Variants in TRIM24 observed in about 807,000 individuals in gnomAD.
TRIM24 encodes the protein transcription intermediary factor 1-alpha.
Under a neutral mutation model 123.9 loss-of-function variants are expected in TRIM24, and 29 were observed. The ratio of observed to expected loss-of-function variants is 0.23; its 90% CI spans 0.17 to 0.32. TRIM24 has a LOEUF of 0.32. Among genes scored for constraint, TRIM24 ranks in the 10% least tolerant of loss-of-function variants. TRIM24 has a pLI of 1.00. For missense variants in TRIM24, 932 were observed against 1,295.3 expected (o/e 0.72, Z 4.31); for synonymous variants, 456 against 461.1 (o/e 0.99, Z 0.14).
rs1457584104 is a variant in TRIM24, at chr7:138,557,476, G to A, written c.1530+2510G>A. On this transcript the variant is annotated intron_variant, in intron 9 of 18. Transcript: ENST00000343526. ...GATTGGATGTTTTTAACAAGGAGGG[G>A]TAAGAGACAAGGGAGTATTAAGCAA... Among the ~76,000 whole-genome samples, 7 of 152,240 alleles carry A rather than the reference G, an allele frequency of 4.6e-5. No homozygotes were observed. The East Asian group carries it at 1.4e-3, about 29-fold the overall frequency.
At chr7:138,563,674 T>TGCC (rs1383063137) in intron 9 of TRIM24, among the ~76,000 whole-genome samples, 2 of 152,226 alleles carry the variant, frequency 1.3e-5, no homozygotes, top group African/African-American at 2.4e-5. Context: ...CCGTGTTCAC[T>TGCC]GTGCACTGAT....
chr7:138,556,736 G>C lies in TRIM24; in HGVS notation c.1530+1770G>C, dbSNP rs79941776. Among the ~76,000 whole-genome samples, 115 of 152,322 alleles carry C rather than the reference G, an allele frequency of 7.5e-4. No homozygotes were observed. In the East Asian group the frequency reaches 0.021, roughly 28 times the overall value. On this transcript the variant is annotated intron_variant, in intron 9 of 18. Transcript: ENST00000343526. ...TAGTATTTATGAGCCCACAGAGCAGGCTTGCTTTCTAGCCTTTGCCTTGTT... is the reference window on the plus strand; with the variant it reads ...TAGTATTTATGAGCCCACAGAGCAGCCTTGCTTTCTAGCCTTTGCCTTGTT...
At chr7:138,530,635 A>ATT (rs112561681) in intron 6 of TRIM24, among the ~76,000 whole-genome samples, 3 of 144,008 alleles carry the variant, frequency 2.1e-5, no homozygotes, top group African/African-American at 7.6e-5. Context: ...CCTGGCTAAT[A>ATT]TTTTTTTTTT....
At position 138,460,932 on chromosome 7, in the gene TRIM24, G is replaced by A. The variant is rs1160470015; in HGVS notation, c.364+20G>A. 1.3e-5 allele frequency: 19 copies of A among 1,418,558 alleles called. No individual in the cohort carries two copies. The highest frequency in any genetic ancestry group is 1.4e-5 in the Non-Finnish European group (15 of 1,095,470). 87.9% of individuals were successfully genotyped at this position (1,418,558 alleles called of 1,614,324 possible). On this transcript the variant is annotated intron_variant, in intron 1 of 18. Coordinates refer to ENST00000343526, the MANE Select transcript of TRIM24 (RefSeq NM_015905.3). ...CCCAAGGTGAGAACCGGCCGCGGCC[G>A]CTGGGGAGCCCGGGGAGAGGGCCAG...
chr7:138,538,700 A>G lies in TRIM24; in HGVS notation c.1040A>G (p.Gln347Arg). 1 of 1,614,148 alleles carries G rather than the reference A, an allele frequency of 6.2e-7. No individual in the cohort carries two copies. Among genetic ancestry groups the G allele is most frequent in the Non-Finnish European group, 8.5e-7 (1 of 1,179,994 alleles). Reference sequence around the variant, plus strand: ...CGCATGAAACTTATGCAACAACAACAGGAAGTGGCTGGACTCTCTAAACAA... The same window carrying G: ...CGCATGAAACTTATGCAACAACAACGGGAAGTGGCTGGACTCTCTAAACAA... ...DHRMKLMQQQ[Q>R]EVAGLSKQLE... The change falls in exon 7 of 19, where the codon CAG becomes CGG. Residue 347 changes from glutamine (Q) to arginine (R), a missense_variant. By Grantham distance (43) the Gln-to-Arg change is conservative. Transcript: ENST00000343526.
intron 7 of TRIM24, among the ~76,000 whole-genome samples, chr7:138,549,367 A>G (rs1034477596): frequency 6.6e-6 from 1 of 152,182 alleles, no homozygotes; most frequent in African/African-American, 2.4e-5. Flanking sequence ...GAAATCACCA[A>G]CAATGGAGAC....
intron 1 of TRIM24, among the ~76,000 whole-genome samples, chr7:138,488,488 G>A (rs1023233876): frequency 6.6e-6 from 1 of 152,280 alleles, no homozygotes; most frequent in East Asian, 1.9e-4. Flanking sequence ...GGCATTTAGT[G>A]CTATAAATTT....
At chr7:138,577,101 A>T (rs1202903192) in intron 13 of TRIM24, among the ~76,000 whole-genome samples, 2 of 152,260 alleles carry the variant, frequency 1.3e-5, no homozygotes, top group Non-Finnish European at 2.9e-5. Flanking sequence ...GAAGGAAATG[A>T]GAAAGCCTAA....
intron 1 of TRIM24, chr7:138,461,383 T>C (rs1484365573): frequency 5.0e-6 from 2 of 399,244 alleles, no homozygotes; most frequent in Admixed American, 3.2e-5. Flanking sequence ...GATGAAGTGA[T>C]GGTGACTTTC....
rs952257847 is a variant in TRIM24 at position 138,537,393 on chromosome 7, T to G, written c.997-1264T>G. On this transcript the variant is annotated intron_variant, in intron 6 of 18. Coordinates refer to ENST00000343526, the MANE Select transcript of TRIM24 (RefSeq NM_015905.3). ...CACCCCTGTTTGTTTTTTTTTTTTT[T>G]TTTTTTTTTTTTTTTGTAAAGACGT... Among the ~76,000 whole-genome samples, 8 of 131,798 alleles carry G rather than the reference T, an allele frequency of 6.1e-5. No individual in the cohort carries two copies. In the South Asian group the frequency reaches 8.1e-4, roughly 13 times the overall value. 86.5% of individuals were successfully genotyped at this position (131,798 alleles called of 152,430 possible). A position where few individuals can be genotyped will look rare whatever the true frequency, so the allele number is the denominator to read the frequency against.
chr7:138,471,044 A>G (rs1344606227), intron 1 of TRIM24, among the ~76,000 whole-genome samples: 1 of 152,196 alleles, frequency 6.6e-6, no homozygotes, highest in Non-Finnish European at 1.5e-5. Flanking sequence ...TTAACAACTG[A>G]TTATCTAACC....
chr7:138,568,379 C>CTTTTTTTTTTTTTTTTTTTTTTT (rs60386130), intron 10 of TRIM24, among the ~76,000 whole-genome samples: 5 of 68,702 alleles, frequency 7.3e-5, no homozygotes, highest in African/African-American at 1.2e-4. Context: ...ACCTGGCCTC[C>CTTTTTTTTTTTTTTTTTTTTTTT]TTTTTTTTTT....
In TRIM24 at chr7:138,567,568, T is replaced by C. The variant is rs1462403758; in HGVS notation, c.1618T>C (p.Tyr540His). Reference sequence around the variant, plus strand: ...TCCTCCTCATCCTCAACAACTGAGATATCCACCAAACCAGAACATACCACG... The same window carrying C: ...TCCTCCTCATCCTCAACAACTGAGACATCCACCAAACCAGAACATACCACG... Reference protein sequence around the residue: ...VLPPHPQQLRYPPNQNIPRQA... With the variant: ...VLPPHPQQLRHPPNQNIPRQA... The change falls in exon 10 of 19, where the codon TAT becomes CAT. Residue 540 changes from tyrosine (Y) to histidine (H), a missense_variant. By Grantham distance (83) the Tyr-to-His change is moderately conservative (BLOSUM62 2). Coordinates refer to ENST00000343526, the MANE Select transcript of TRIM24 (RefSeq NM_015905.3). 6.2e-7 allele frequency: 1 copy of C among 1,614,028 alleles called. No homozygotes were observed. The highest frequency in any genetic ancestry group is 1.3e-5 in the African/African-American group (1 of 75,028).
intron 13 of TRIM24, among the ~76,000 whole-genome samples, chr7:138,576,818 A>T (rs1193128729): frequency 6.6e-6 from 1 of 152,250 alleles, no homozygotes; most frequent in East Asian, 1.9e-4. Context: ...TCTACTTTAA[A>T]ATAAATATAC....
At chr7:138,546,510 A>C (rs941432199) in intron 7 of TRIM24, among the ~76,000 whole-genome samples, 1 of 152,196 alleles carries the variant, frequency 6.6e-6, no homozygotes, top group African/African-American at 2.4e-5. Flanking sequence ...GGATTTGGTT[A>C]TGTTAGAAGA....
chr7:138,529,977 A>G lies in TRIM24; in HGVS notation c.996+747A>G, dbSNP rs185151860. ...CTAATGTTTGAAGATTTGAGGAAAAATAAGACTTCTAGAAATAATTTAGGT... is the reference window on the plus strand; with the variant it reads ...CTAATGTTTGAAGATTTGAGGAAAAGTAAGACTTCTAGAAATAATTTAGGT... On this transcript the variant is annotated intron_variant, in intron 6 of 18. Coordinates refer to ENST00000343526, the MANE Select transcript of TRIM24 (RefSeq NM_015905.3). Among the ~76,000 whole-genome samples the G allele has an allele frequency of 3.9e-3, 587 of 152,318 alleles. 1 individual carries two copies. Among genetic ancestry groups the G allele is most frequent in the Non-Finnish European group, 4.3e-3 (295 of 68,024 alleles).
intron 1 of TRIM24, among the ~76,000 whole-genome samples, chr7:138,488,827 G>A (rs1795712236): frequency 6.6e-6 from 1 of 152,190 alleles, no homozygotes; most frequent in Admixed American, 6.5e-5. Flanking sequence ...ATATTCTGTT[G>A]ATTTGGGGTG....
At chr7:138,528,522 T>C (rs887800625) in intron 5 of TRIM24, among the ~76,000 whole-genome samples, 7 of 152,002 alleles carry the variant, frequency 4.6e-5, no homozygotes, top group Non-Finnish European at 1.0e-4. Flanking sequence ...TTATTTTTCT[T>C]TTTTTTTCTT....
rs568562414 is a variant in TRIM24 at position 138,463,989 on chromosome 7, CTT to C, written c.364+3099_364+3100del. 6.9e-3 allele frequency among the ~76,000 whole-genome samples: 352 copies of C among 50,720 alleles called. 4 individuals carry two copies. The highest frequency in any genetic ancestry group is 0.028 in the Admixed American group (87 of 3,102). The allele number at this position is 50,720 out of a possible 152,430, so 33.3% of individuals were successfully genotyped here. ...ATACTAGCTGAAGCAAAAATTTAGA[CTT>C]TTTTTTTTTTTTTTTTTTTTTGAGA... On this transcript the variant is annotated intron_variant, in intron 1 of 18. Coordinates refer to ENST00000343526, the MANE Select transcript of TRIM24 (RefSeq NM_015905.3).
Sources: gnomAD v4.1 joint callset for allele counts (sites outside exome capture counted in the v4.1 genomes callset) on GRCh38, gnomAD v4.1.1 for gene constraint, MANE v1.5 for transcripts, NCBI Gene and HGNC (gene_info 2026-07-23, HGNC 2026-07-21) for gene names.